Variants in ANKS1B observed in about 807,000 individuals in gnomAD.
ANKS1B encodes the protein ankyrin repeat and sterile alpha motif domain-containing protein 1B.
In ANKS1B, 36 loss-of-function variants were observed where a neutral mutation model predicts 148.3. The observed-to-expected ratio is 0.24, with a 90% confidence interval of 0.19 to 0.32. ANKS1B has a LOEUF of 0.32. ANKS1B is among the 10% of genes least tolerant of loss of function. ANKS1B has a pLI of 1.00. For missense variants in ANKS1B, 1,157 were observed against 1,542.6 expected (o/e 0.75, Z 4.19); for synonymous variants, 542 against 560.8 (o/e 0.97, Z 0.47).
intron 1 of ANKS1B, among the ~76,000 whole-genome samples, chr12:99,827,987 C>T (rs1219349003): frequency 6.6e-6 from 1 of 152,076 alleles, no homozygotes; most frequent in Non-Finnish European, 1.5e-5. Flanking sequence ...AAGACTTGTA[C>T]ATATAATATT....
chr12:99,376,659 C>G (rs1316367579), intron 12 of ANKS1B, among the ~76,000 whole-genome samples: 1 of 152,146 alleles, frequency 6.6e-6, no homozygotes, highest in African/African-American at 2.4e-5. Context: ...AAGTAATGGG[C>G]TACTCTCCCA....
intron 12 of ANKS1B, among the ~76,000 whole-genome samples, chr12:99,294,322 A>G (rs999214780): frequency 3.3e-5 from 5 of 152,248 alleles, no homozygotes; most frequent in Non-Finnish European, 7.3e-5. Flanking sequence ...GTATATACAC[A>G]TAATGTAGTA....
intron 15 of ANKS1B, among the ~76,000 whole-genome samples, chr12:99,093,831 AAG>A (rs564472780): frequency 6.6e-6 from 1 of 152,322 alleles, no homozygotes; most frequent in South Asian, 2.1e-4. Flanking sequence ...ATAGCCAAAC[AAG>A]AGGAAAGGAG....
At chr12:99,835,804 G>A (rs535788017) in intron 1 of ANKS1B, among the ~76,000 whole-genome samples, 6 of 152,174 alleles carry the variant, frequency 3.9e-5, no homozygotes, top group Non-Finnish European at 5.9e-5. Flanking sequence ...TCTAGTATAA[G>A]GAAGAGTAGC....
intron 14 of ANKS1B, 89 bp from the exon 15 acceptor site, chr12:99,154,484 C>A: frequency 1.9e-6 from 3 of 1,611,010 alleles, no homozygotes; most frequent in Non-Finnish European, 2.5e-6. Flanking sequence ...GGTGGCATTG[C>A]CACATCATGC....
At chr12:99,582,945 A>G (rs1408383357) in intron 9 of ANKS1B, among the ~76,000 whole-genome samples, 1 of 152,136 alleles carries the variant, frequency 6.6e-6, no homozygotes, top group Non-Finnish European at 1.5e-5. Context: ...TATTTTCCTG[A>G]AATACCTGTC....
At chr12:98,992,576 A>G (rs913192762) in intron 17 of ANKS1B, among the ~76,000 whole-genome samples, 2 of 152,060 alleles carry the variant, frequency 1.3e-5, no homozygotes, top group Admixed American at 1.3e-4. Context: ...TTCTGCTATG[A>G]TTGTAAGTTT....
At chr12:99,402,735 G>T (rs2094437735) in intron 11 of ANKS1B, among the ~76,000 whole-genome samples, 1 of 146,250 alleles carries the variant, frequency 6.8e-6, no homozygotes, top group Middle Eastern at 3.2e-3. Context: ...GAGCATTGAG[G>T]TTGATTCCAT....
chr12:99,307,841 A>G (rs2154024160), intron 12 of ANKS1B, among the ~76,000 whole-genome samples: 1 of 152,144 alleles, frequency 6.6e-6, no homozygotes, highest in South Asian at 2.1e-4. Context: ...AGTGGAAAAA[A>G]CAATTCTCCA....
intron 1 of ANKS1B, among the ~76,000 whole-genome samples, chr12:99,924,776 G>C (rs952696849): frequency 1.3e-5 from 2 of 152,124 alleles, no homozygotes; most frequent in African/African-American, 4.8e-5. Flanking sequence ...CCAGAAGTCT[G>C]AGAAATGAAT....
At chr12:99,488,463 T>A (rs1477138820) in intron 10 of ANKS1B, among the ~76,000 whole-genome samples, 2 of 152,222 alleles carry the variant, frequency 1.3e-5, no homozygotes, top group Non-Finnish European at 2.9e-5. Flanking sequence ...TTTTAGTGGT[T>A]TCTCTTAAAA....
At chr12:99,619,151 C>T (rs952513606) in intron 9 of ANKS1B, among the ~76,000 whole-genome samples, 2 of 152,024 alleles carry the variant, frequency 1.3e-5, no homozygotes, top group African/African-American at 4.8e-5. Flanking sequence ...TTCAGGCATT[C>T]AGAGCACACC....
intron 9 of ANKS1B, among the ~76,000 whole-genome samples, chr12:99,604,181 G>T (rs1247406079): frequency 6.6e-6 from 1 of 152,064 alleles, no homozygotes; most frequent in Non-Finnish European, 1.5e-5. Context: ...GGTGATTTCT[G>T]TGGCATACAA....
intron 17 of ANKS1B, among the ~76,000 whole-genome samples, chr12:98,973,641 C>T (rs59272414): frequency 0.052 from 7,845 of 152,174 alleles, 565 homozygotes; most frequent in African/African-American, 0.16. Context: ...TGCCCTTAGT[C>T]AGCCTTCTTG....
At chr12:99,439,846 T>C (rs2095520883) in intron 11 of ANKS1B, among the ~76,000 whole-genome samples, 1 of 151,748 alleles carries the variant, frequency 6.6e-6, no homozygotes, top group African/African-American at 2.4e-5. Context: ...TGTATATTCA[T>C]AGCATATTCA....
chr12:98,762,207 T>C (rs919150064), intron 25 of ANKS1B, among the ~76,000 whole-genome samples: 7 of 152,192 alleles, frequency 4.6e-5, no homozygotes, highest in Admixed American at 2.0e-4. Context: ...ATCACCTGCA[T>C]AGGCCAGCTC....
intron 17 of ANKS1B, among the ~76,000 whole-genome samples, chr12:99,041,029 C>T (rs2153490342): frequency 6.6e-6 from 1 of 152,240 alleles, no homozygotes; most frequent in South Asian, 2.1e-4. Context: ...AGAGCCTGGA[C>T]CTCAGGGATA....
At chr12:99,269,750 A>G (rs2076837948) in intron 12 of ANKS1B, among the ~76,000 whole-genome samples, 1 of 152,126 alleles carries the variant, frequency 6.6e-6, no homozygotes, top group Non-Finnish European at 1.5e-5. Flanking sequence ...TAGTAGAGAC[A>G]GGGTTTCACC....
chr12:99,939,708 A>T (rs2094871659), intron 1 of ANKS1B, among the ~76,000 whole-genome samples: 1 of 152,196 alleles, frequency 6.6e-6, no homozygotes, highest in Non-Finnish European at 1.5e-5. Context: ...AGAAGCAGAA[A>T]AGTGTTCAAC....
Sources: allele counts gnomAD v4.1 joint callset (sites outside exome capture counted in the v4.1 genomes callset), GRCh38; gene constraint gnomAD v4.1.1; transcripts MANE v1.5; gene names NCBI Gene and HGNC (gene_info 2026-07-23, HGNC 2026-07-21).